The following BRD4 variants were observed in gnomAD, a reference collection of about 807,000 sequenced individuals.
The protein encoded by BRD4 is bromodomain-containing protein 4.
In BRD4, 16 loss-of-function variants were observed where a neutral mutation model predicts 142.1. The ratio of observed to expected loss-of-function variants is 0.11; its 90% CI spans 0.08 to 0.17. BRD4 has a LOEUF of 0.17. BRD4 is among the 10% of genes least tolerant of loss of function. The pLI is 1.00. For synonymous variants in BRD4, 833 were observed against 707.5 expected (o/e 1.18, Z -2.82); for missense variants, 1,424 against 1,810.9 (o/e 0.79, Z 3.88).
At chr19:15,313,323 A>T (rs1308314193) in intron 1 of BRD4, among the ~76,000 whole-genome samples, 1 of 150,540 alleles carries the variant, frequency 6.6e-6, no homozygotes, top group Admixed American at 6.7e-5. Context: ...CCGTAAGCCA[A>T]TATCGTGCCA....
At chr19:15,273,630 C>T (rs962014316) in intron 1 of BRD4, among the ~76,000 whole-genome samples, 1 of 152,216 alleles carries the variant, frequency 6.6e-6, no homozygotes, top group African/African-American at 2.4e-5. Flanking sequence ...CAAGGAGAAG[C>T]AGGAAGGCTG....
chr19:15,242,765 G>A (rs972846685), intron 14 of BRD4, 135 bp downstream of exon 14: 3 of 1,376,834 alleles, frequency 2.2e-6, no homozygotes, highest in East Asian at 5.0e-5. Flanking sequence ...GACCCTTCCA[G>A]GTCCCCCTCC....
At chr19:15,318,184 A>G (rs1323158689) in intron 1 of BRD4, among the ~76,000 whole-genome samples, 1 of 152,190 alleles carries the variant, frequency 6.6e-6, no homozygotes, top group African/African-American at 2.4e-5. Flanking sequence ...CTGCAATTCA[A>G]CTGAGCAGAG....
chr19:15,278,844 T>C (rs1340705394), intron 1 of BRD4, among the ~76,000 whole-genome samples: 1 of 152,204 alleles, frequency 6.6e-6, no homozygotes, highest in Non-Finnish European at 1.5e-5. Flanking sequence ...GCATGCCTGT[T>C]TTCTTTTCTT....
chr19:15,287,679 G>C (rs1447582794), intron 1 of BRD4, among the ~76,000 whole-genome samples: 2 of 152,148 alleles, frequency 1.3e-5, no homozygotes, highest in East Asian at 1.9e-4. Context: ...GGTACCCAGC[G>C]TGAGTGAAAC....
intron 11 of BRD4, chr19:15,245,006 GC>G: frequency 1.5e-6 from 1 of 681,184 alleles, no homozygotes; most frequent in Non-Finnish European, 2.4e-6. Context: ...AGCCTCCCCT[GC>G]CAAGCTTCAG....
At chr19:15,324,447 G>A (rs2048090839) in intron 1 of BRD4, among the ~76,000 whole-genome samples, 1 of 152,200 alleles carries the variant, frequency 6.6e-6, no homozygotes. Context: ...TGGTCAAAAG[G>A]CCCAAAGTCG....
chr19:15,308,181 G>GA (rs1161406411), intron 1 of BRD4, among the ~76,000 whole-genome samples: 1 of 12,814 alleles, frequency 7.8e-5, no homozygotes, highest in Non-Finnish European at 1.4e-4. Context: ...GCGTAGTGAA[G>GA]AAAAAAAAGA....
intron 1 of BRD4, among the ~76,000 whole-genome samples, chr19:15,288,916 T>G (rs1485822838): frequency 1.3e-5 from 2 of 152,046 alleles, no homozygotes; most frequent in Non-Finnish European, 1.5e-5. Flanking sequence ...AGCCACCAGG[T>G]CCCCACTGTG....
chr19:15,288,698 A>C (rs1036521043), intron 1 of BRD4, among the ~76,000 whole-genome samples: 6 of 152,200 alleles, frequency 3.9e-5, no homozygotes, highest in African/African-American at 1.4e-4. Context: ...AGGGCCGCCG[A>C]AGGGAGGAAG....
At chr19:15,249,970 G>C (rs1330119603) in intron 11 of BRD4, among the ~76,000 whole-genome samples, 1 of 152,204 alleles carries the variant, frequency 6.6e-6, no homozygotes, top group Non-Finnish European at 1.5e-5. Flanking sequence ...ATAAAGTCTT[G>C]TCCTTTCTTT....
Position 15,255,334 on chromosome 19 carries a change from A to G in BRD4, c.2010T>C (p.Tyr670=), listed in dbSNP as rs201145579. Residue 670 remains tyrosine, a synonymous_variant, in exon 10 of 20, where the codon TAT becomes TAC. Transcript: ENST00000679869. The part of the protein sequence containing the change: ...KPSTLRELER[Y]VTSCLRKKRK... ...TTTTCTTCCGCAAACAGGAGGTGAC[A>G]TAGCGCTCCAGCTCACGCAGTGTGG... 10 of 1,613,956 alleles carry G rather than the reference A, an allele frequency of 6.2e-6. No homozygotes were observed. The highest frequency in any genetic ancestry group is 2.7e-5 in the African/African-American group (2 of 74,910).
chr19:15,242,292 C>T (rs1192348913), intron 14 of BRD4, among the ~76,000 whole-genome samples: 1 of 152,172 alleles, frequency 6.6e-6, no homozygotes, highest in East Asian at 1.9e-4. Context: ...ACATCCCCTG[C>T]CGGAGCCAGC....
At position 15,292,773 on chromosome 19, in the gene BRD4, G is replaced by A. The variant is rs1282566494; in HGVS notation, c.-34-19640C>T. Among the ~76,000 whole-genome samples the A allele has an allele frequency of 2.6e-4, 16 of 62,006 alleles. No individual in the cohort carries two copies. The Admixed American group carries it at 4.1e-3, about 16-fold the overall frequency. The allele number at this position is 62,006 out of a possible 152,430, so 40.7% of individuals were successfully genotyped here. On this transcript the variant is annotated intron_variant, in intron 1 of 19. Transcript: ENST00000679869. ...AGCCTAGGTGACAGATCAAGACTCC[G>A]TCTCAAAAAAAAAAAAAAAAAAAAA...
chr19:15,302,495 C>G (rs941446337), intron 1 of BRD4, among the ~76,000 whole-genome samples: 2 of 152,080 alleles, frequency 1.3e-5, no homozygotes, highest in East Asian at 1.9e-4. Flanking sequence ...ATGGCAAAAC[C>G]CTGTCTCTAC....
intron 1 of BRD4, among the ~76,000 whole-genome samples, chr19:15,327,499 G>A (rs2048118514): frequency 1.3e-5 from 2 of 151,926 alleles, no homozygotes; most frequent in African/African-American, 4.8e-5. Context: ...GGCTGAGATC[G>A]TGCCACTGCA....
chr19:15,269,969 C>G lies in BRD4; in HGVS notation c.286-927G>C, dbSNP rs372022990. 1.1e-4 allele frequency among the ~76,000 whole-genome samples: 16 copies of G among 152,338 alleles called. No individual in the cohort carries two copies. In the East Asian group the frequency reaches 2.7e-3, roughly 26 times the overall value. ...TTCCAGGTGTGAGGATCACAGAGGGCCAGGCAGGGGGCTGCACCCAGACAG... is the reference window on the plus strand; with the variant it reads ...TTCCAGGTGTGAGGATCACAGAGGGGCAGGCAGGGGGCTGCACCCAGACAG... On this transcript the variant is annotated intron_variant, in intron 2 of 19. Coordinates refer to ENST00000679869, the MANE Select transcript of BRD4 (RefSeq NM_001379291.1).
At chr19:15,313,109 C>A (rs1262042689) in intron 1 of BRD4, among the ~76,000 whole-genome samples, 1 of 151,938 alleles carries the variant, frequency 6.6e-6, no homozygotes, top group South Asian at 2.1e-4. Flanking sequence ...CGGTGGCTCA[C>A]GCCCGTAATC....
chr19:15,248,024 A>G lies in BRD4; in HGVS notation c.2159-3262T>C, dbSNP rs1467564364. 9 of 219,652 alleles carry G rather than the reference A, an allele frequency of 4.1e-5. No homozygotes were observed. In the East Asian group the frequency reaches 6.0e-4, roughly 15 times the overall value. 13.6% of individuals were successfully genotyped at this position (219,652 alleles called of 1,614,324 possible). A position where few individuals can be genotyped will look rare whatever the true frequency, so the allele number is the denominator to read the frequency against. On this transcript the variant is annotated intron_variant, in intron 11 of 19. Coordinates refer to ENST00000679869, the MANE Select transcript of BRD4 (RefSeq NM_001379291.1). ...TGCACCCAAGGGCTTGCCCATGGTG[A>G]TAGCCCACTTCCAGTTCCAGAAGAA...
Sources: gnomAD v4.1 joint callset for allele counts (sites outside exome capture counted in the v4.1 genomes callset) on GRCh38, gnomAD v4.1.1 for gene constraint, MANE v1.5 for transcripts, NCBI Gene and HGNC (gene_info 2026-07-23, HGNC 2026-07-21) for gene names.